MGAT4C: variants seen among roughly 807,000 people sequenced by gnomAD.
MGAT4C encodes MGAT4 family member C.
In MGAT4C, 19 loss-of-function variants were observed where a neutral mutation model predicts 40.1. The observed-to-expected ratio is 0.47, with a 90% CI of 0.33 to 0.70. The LOEUF is 0.70. MGAT4C is among the 30% of genes least tolerant of loss of function. MGAT4C has a pLI of 0.02. For synonymous variants in MGAT4C, 181 were observed against 187.1 expected (o/e 0.97, Z 0.27); for missense variants, 491 against 563.2 (o/e 0.87, Z 1.30).
At chr12:86,020,797 G>A (rs1889634076) in intron 2 of MGAT4C, among the ~76,000 whole-genome samples, 1 of 152,082 alleles carries the variant, frequency 6.6e-6, no homozygotes, top group East Asian at 1.9e-4. Context: ...GAGTGAACAG[G>A]CAACCTACAG....
intron 3 of MGAT4C, among the ~76,000 whole-genome samples, chr12:86,413,898 G>A (rs1956653444): frequency 6.6e-6 from 1 of 152,110 alleles, no homozygotes; most frequent in Admixed American, 6.6e-5. Flanking sequence ...AGCAGAAGTA[G>A]GGATAGGGAA....
At chr12:86,334,451 A>C (rs1954740911) in intron 3 of MGAT4C, among the ~76,000 whole-genome samples, 1 of 152,162 alleles carries the variant, frequency 6.6e-6, no homozygotes, top group African/African-American at 2.4e-5. Flanking sequence ...ATGATGCTGG[A>C]AAGAAAAAGA....
chr12:86,544,280 G>A (rs762772316), intron 2 of MGAT4C, among the ~76,000 whole-genome samples: 8 of 152,046 alleles, frequency 5.3e-5, no homozygotes, highest in Non-Finnish European at 1.2e-4. Context: ...TTCATGGAAG[G>A]TGACTAAAAG....
intron 1 of MGAT4C, among the ~76,000 whole-genome samples, chr12:86,761,127 T>C (rs1047058731): frequency 6.6e-6 from 1 of 152,182 alleles, no homozygotes; most frequent in Non-Finnish European, 1.5e-5. Context: ...GATTTGGGCA[T>C]AATGTTTTGG....
chr12:86,224,126 C>T (rs371554529), intron 1 of MGAT4C, among the ~76,000 whole-genome samples: 15 of 152,258 alleles, frequency 9.9e-5, no homozygotes, highest in East Asian at 5.8e-4. Flanking sequence ...AAGACAGGTA[C>T]GCTCATCCCA....
chr12:86,707,933 A>G (rs149304787), intron 2 of MGAT4C, among the ~76,000 whole-genome samples: 1 of 152,310 alleles, frequency 6.6e-6, no homozygotes, highest in African/African-American at 2.4e-5. Context: ...AGTTCAGAAA[A>G]TTTGCAGCCT....
intron 1 of MGAT4C, among the ~76,000 whole-genome samples, chr12:86,171,056 T>C (rs1044048236): frequency 4.0e-5 from 6 of 151,658 alleles, no homozygotes; most frequent in Admixed American, 1.3e-4. Flanking sequence ...TCAATATCCA[T>C]GATGCACTGT....
intron 2 of MGAT4C, among the ~76,000 whole-genome samples, chr12:86,529,749 T>A (rs1958947685): frequency 6.6e-6 from 1 of 151,976 alleles, no homozygotes; most frequent in Admixed American, 6.6e-5. Context: ...TTAGTTTTTT[T>A]ATTGTGTACA....
chr12:85,994,626 C>T (rs1400422185), intron 2 of MGAT4C, among the ~76,000 whole-genome samples: 2 of 151,748 alleles, frequency 1.3e-5, no homozygotes, highest in African/African-American at 4.8e-5. Flanking sequence ...CCCCCCCAGC[C>T]GCCAAAAAAC....
At chr12:86,226,401 A>G (rs1182297424) in intron 1 of MGAT4C, among the ~76,000 whole-genome samples, 1 of 152,006 alleles carries the variant, frequency 6.6e-6, no homozygotes, top group South Asian at 2.1e-4. Flanking sequence ...ATTTACTGGT[A>G]AGAAAATCTG....
At chr12:86,283,982 A>C (rs1415322053) in intron 4 of MGAT4C, among the ~76,000 whole-genome samples, 2 of 152,140 alleles carry the variant, frequency 1.3e-5, no homozygotes, top group Non-Finnish European at 2.9e-5. Context: ...TACATGTTGC[A>C]CAGGACTTTA....
At chr12:86,764,483 T>C (rs1299184919) in intron 1 of MGAT4C, among the ~76,000 whole-genome samples, 9 of 151,012 alleles carry the variant, frequency 6.0e-5, no homozygotes, top group East Asian at 2.0e-4. Flanking sequence ...GACTTAAATG[T>C]CCCTGTCTGA....
At chr12:86,064,079 C>T (rs1053507228) in intron 1 of MGAT4C, among the ~76,000 whole-genome samples, 9 of 152,188 alleles carry the variant, frequency 5.9e-5, no homozygotes, top group African/African-American at 2.2e-4. Flanking sequence ...CTCTGGACCC[C>T]AAATCAACAG....
intron 1 of MGAT4C, among the ~76,000 whole-genome samples, chr12:86,213,902 T>C (rs553823224): frequency 1.3e-5 from 2 of 152,338 alleles, no homozygotes; most frequent in Admixed American, 6.5e-5. Context: ...CCATCACACC[T>C]TTACTTTAAA....
intron 1 of MGAT4C, among the ~76,000 whole-genome samples, chr12:86,164,055 A>C (rs1257950770): frequency 6.6e-6 from 1 of 152,204 alleles, no homozygotes; most frequent in Non-Finnish European, 1.5e-5. Context: ...ATAAGCAAAG[A>C]GGGAAGAAGG....
At chr12:86,705,252 ATC>A (rs1950434736) in intron 2 of MGAT4C, among the ~76,000 whole-genome samples, 1 of 150,854 alleles carries the variant, frequency 6.6e-6, no homozygotes, top group African/African-American at 2.5e-5. Flanking sequence ...CTATCTATCT[ATC>A]TATCTATCTA....
intron 2 of MGAT4C, among the ~76,000 whole-genome samples, chr12:86,516,355 G>A (rs887844872): frequency 1.3e-5 from 2 of 152,074 alleles, no homozygotes; most frequent in Admixed American, 1.3e-4. Flanking sequence ...GGAAAGAATA[G>A]TCTTTTCAAC....
intron 2 of MGAT4C, among the ~76,000 whole-genome samples, chr12:86,020,994 T>C (rs1194256273): frequency 6.6e-6 from 1 of 152,104 alleles, no homozygotes; most frequent in Admixed American, 6.6e-5. Flanking sequence ...AAAATGCTCA[T>C]CATCACTGGC....
intron 2 of MGAT4C, among the ~76,000 whole-genome samples, chr12:86,604,135 G>T (rs1961956562): frequency 1.3e-5 from 2 of 152,076 alleles, no homozygotes; most frequent in South Asian, 2.1e-4. Flanking sequence ...TAGCCTGGTT[G>T]TTGACAGGAT....
Sources: gnomAD v4.1 joint callset for allele counts (sites outside exome capture counted in the v4.1 genomes callset) on GRCh38, gnomAD v4.1.1 for gene constraint, MANE v1.5 for transcripts, NCBI Gene and HGNC (gene_info 2026-07-23, HGNC 2026-07-21) for gene names.